Variants in LRP1B observed in about 807,000 individuals in gnomAD.
LRP1B encodes the protein low-density lipoprotein receptor-related protein 1B.
LRP1B carries 217 observed loss-of-function variants against 556.6 expected under a neutral mutation model. The observed-to-expected ratio is 0.39, with a 90% CI of 0.35 to 0.44. The LOEUF (loss-of-function observed/expected upper bound fraction) is 0.44, where lower values mean the gene tolerates loss of function less well. LRP1B is among the 20% of genes least tolerant of loss of function. The pLI is 1.00. For synonymous variants in LRP1B, 2,047 were observed against 1,865.8 expected, an observed-to-expected ratio of 1.10 and a Z score of -2.50; for missense variants, 5,053 against 5,620.8, an observed-to-expected ratio of 0.90 and a Z score of 3.23.
At chr2:141,201,397 A>C (rs953726271) in intron 6 of LRP1B, among the ~76,000 whole-genome samples, 1 of 152,074 alleles carries the variant, frequency 6.6e-6, no homozygotes, top group Non-Finnish European at 1.5e-5. Flanking sequence ...TCCCCTACCA[A>C]GAAACATTTT....
chr2:140,817,329 AT>A (rs1445635698), intron 31 of LRP1B, among the ~76,000 whole-genome samples: 1 of 152,032 alleles, frequency 6.6e-6, no homozygotes, highest in Non-Finnish European at 1.5e-5. Context: ...TACGAAAAAA[AT>A]AAGTCACTAT....
Position 140,331,821 on chromosome 2 carries a change from G to A in LRP1B, c.12223+2632C>T, listed in dbSNP as rs372766835. ...AGCAATTCTTATGCCTTAGCCTCTC[G>A]AGTAGCTGGGATTACAGGTACATAC... On this transcript the variant is annotated intron_variant, in intron 79 of 90. Coordinates refer to ENST00000389484, the MANE Select transcript of LRP1B (RefSeq NM_018557.3). Among the ~76,000 whole-genome samples the A allele has an allele frequency of 3.3e-5, 5 of 151,576 alleles. No homozygotes were observed. The East Asian group carries it at 5.8e-4, about 18-fold the overall frequency.
At chr2:140,308,242 A>T (rs1411669627) in intron 83 of LRP1B, among the ~76,000 whole-genome samples, 1 of 151,784 alleles carries the variant, frequency 6.6e-6, no homozygotes, top group Non-Finnish European at 1.5e-5. Context: ...TAAACTGATT[A>T]TGGAAACATT....
intron 79 of LRP1B, among the ~76,000 whole-genome samples, chr2:140,331,086 A>T (rs115589006): frequency 0.02 from 3,084 of 152,234 alleles, 37 homozygotes; most frequent in African/African-American, 0.028. Flanking sequence ...TTCCCAAAAG[A>T]ATATAAATAA....
At chr2:140,702,740 A>G (rs2105431858) in intron 37 of LRP1B, among the ~76,000 whole-genome samples, 187 bp from the exon 38 acceptor site, 1 of 152,188 alleles carries the variant, frequency 6.6e-6, no homozygotes, top group South Asian at 2.1e-4. Context: ...AAAATAGTTA[A>G]CCAGTCATAC....
At chr2:141,294,218 AGT>A (rs1473159446) in intron 3 of LRP1B, among the ~76,000 whole-genome samples, 2 of 152,150 alleles carry the variant, frequency 1.3e-5, no homozygotes, top group African/African-American at 4.8e-5. Flanking sequence ...TAGAAATTCA[AGT>A]TCTTAAAGTG....
At chr2:140,799,669 T>C (rs1457756817) in intron 32 of LRP1B, among the ~76,000 whole-genome samples, 1 of 152,220 alleles carries the variant, frequency 6.6e-6, no homozygotes, top group Non-Finnish European at 1.5e-5. Context: ...TGTTTGCATA[T>C]ATCTCAGTGC....
At chr2:141,381,289 C>T (rs957292373) in intron 3 of LRP1B, among the ~76,000 whole-genome samples, 2 of 150,598 alleles carry the variant, frequency 1.3e-5, no homozygotes, top group Non-Finnish European at 3.0e-5. Flanking sequence ...GGTTCAAGAG[C>T]AGACTCGATC....
intron 1 of LRP1B, among the ~76,000 whole-genome samples, chr2:141,983,474 T>A (rs924469212): frequency 9.9e-5 from 15 of 152,146 alleles, no homozygotes; most frequent in African/African-American, 3.6e-4. Context: ...TGAGCCCCTA[T>A]CTCTTATTGA....
intron 32 of LRP1B, among the ~76,000 whole-genome samples, chr2:140,800,915 A>G (rs1690485197): frequency 6.6e-6 from 1 of 152,022 alleles, no homozygotes; most frequent in African/African-American, 2.4e-5. Context: ...TTAACTTTTT[A>G]TTTTAATATG....
intron 1 of LRP1B, among the ~76,000 whole-genome samples, chr2:141,863,197 G>A (rs576523431): frequency 2.0e-5 from 3 of 152,210 alleles, no homozygotes; most frequent in African/African-American, 7.2e-5. Flanking sequence ...GCTTCCCATC[G>A]GTTAGGCACT....
chr2:140,929,225 T>C (rs377640824), intron 20 of LRP1B, among the ~76,000 whole-genome samples: 1 of 152,218 alleles, frequency 6.6e-6, no homozygotes. Context: ...AAGTAGGCTA[T>C]GTAGGCAGTT....
At position 140,514,272 on chromosome 2, in the gene LRP1B, A is replaced by G. The variant is rs1689787527; in HGVS notation, c.8269+381T>C. 2.0e-5 allele frequency among the ~76,000 whole-genome samples: 3 copies of G among 151,980 alleles called. 1 individual carries two copies. The South Asian group carries it at 6.2e-4, about 31-fold the overall frequency. ...ATAAACAGCACGTGTGGCTTGTGGC[A>G]GTATAAATTAGTATACTAATTTTGG... On this transcript the variant is annotated intron_variant, in intron 51 of 90. Transcript: ENST00000389484.
chr2:140,354,553 C>T (rs1049662616), intron 75 of LRP1B, among the ~76,000 whole-genome samples: 4 of 152,074 alleles, frequency 2.6e-5, no homozygotes, highest in African/African-American at 7.2e-5. Context: ...ATTTGTTCAG[C>T]CCCTGTAACT....
At chr2:141,042,013 G>A (rs1558819714) in intron 11 of LRP1B, among the ~76,000 whole-genome samples, 1 of 151,996 alleles carries the variant, frequency 6.6e-6, no homozygotes, top group South Asian at 2.1e-4. Context: ...TATTTGGAGG[G>A]CATTGTTCAG....
chr2:141,542,808 A>G (rs1444828503), intron 2 of LRP1B, among the ~76,000 whole-genome samples: 1 of 152,186 alleles, frequency 6.6e-6, no homozygotes, highest in African/African-American at 2.4e-5. Flanking sequence ...ATAGAGTTAG[A>G]ATAGTTCTGT....
At chr2:141,164,832 C>T (rs1224688814) in intron 7 of LRP1B, among the ~76,000 whole-genome samples, 1 of 152,034 alleles carries the variant, frequency 6.6e-6, no homozygotes, top group Non-Finnish European at 1.5e-5. Flanking sequence ...AATATAGTAG[C>T]AGCTGGTCCA....
chr2:141,757,863 T>C (rs907440966), intron 2 of LRP1B, among the ~76,000 whole-genome samples: 1 of 151,802 alleles, frequency 6.6e-6, no homozygotes, highest in African/African-American at 2.4e-5. Context: ...ACTCAGTTTT[T>C]CTTCCTAAAC....
At chr2:141,224,664 G>T (rs982491491) in intron 6 of LRP1B, among the ~76,000 whole-genome samples, 4 of 152,086 alleles carry the variant, frequency 2.6e-5, no homozygotes, top group African/African-American at 9.7e-5. Context: ...TATTTTCTTT[G>T]CAGGGACATG....
Sources: allele counts gnomAD v4.1 joint callset (sites outside exome capture counted in the v4.1 genomes callset), GRCh38; gene constraint gnomAD v4.1.1; transcripts MANE v1.5; gene names NCBI Gene and HGNC (gene_info 2026-07-23, HGNC 2026-07-21).